CHCHD3: variants seen among roughly 807,000 people sequenced by gnomAD.
The protein encoded by CHCHD3 is coiled-coil-helix-coiled-coil-helix domain containing 3, also known as MICOS complex subunit MIC19.
CHCHD3 carries 20 observed loss-of-function variants against 38.2 expected under a neutral mutation model. The observed-to-expected ratio is 0.52, with a 90% confidence interval of 0.37 to 0.76. The LOEUF is 0.76. Among genes scored for constraint, CHCHD3 ranks in the 30% least tolerant of loss-of-function variants. CHCHD3 has a pLI of 0.00. For missense variants in CHCHD3, 245 were observed against 279.2 expected (o/e 0.88, Z 0.87); for synonymous variants, 82 against 100.0 (o/e 0.82, Z 1.07).
chr7:132,826,156 G>A (rs1807503452), intron 6 of CHCHD3, among the ~76,000 whole-genome samples: 1 of 152,168 alleles, frequency 6.6e-6, no homozygotes. Context: ...CCTCACAAAT[G>A]AATAGGCACT....
chr7:132,984,866 C>G (rs560136521), intron 3 of CHCHD3, among the ~76,000 whole-genome samples: 1,674 of 100,086 alleles, frequency 0.017, 195 homozygotes, highest in African/African-American at 0.058. Context: ...GTCAGCCCCC[C>G]ACCCGGCCAG....
At chr7:133,046,177 A>C (rs189106387) in intron 2 of CHCHD3, among the ~76,000 whole-genome samples, 171 of 152,320 alleles carry the variant, frequency 1.1e-3, no homozygotes, top group African/African-American at 3.9e-3. Context: ...GTTTATAAAC[A>C]TGAGAGACCG....
intron 1 of CHCHD3, among the ~76,000 whole-genome samples, chr7:133,077,422 TA>T (rs1340301557): frequency 2.0e-5 from 3 of 152,234 alleles, no homozygotes; most frequent in African/African-American, 7.2e-5. Flanking sequence ...AAGCATGAGT[TA>T]CGTTCCATAT....
chr7:132,847,203 A>G (rs1164487495), intron 5 of CHCHD3: 2 of 152,188 alleles, frequency 1.3e-5, no homozygotes, highest in Admixed American at 6.5e-5. Context: ...CTACAATTAT[A>G]TCATGCAAAG....
At chr7:133,053,485 C>A (rs1355518186) in intron 2 of CHCHD3, among the ~76,000 whole-genome samples, 1 of 152,204 alleles carries the variant, frequency 6.6e-6, no homozygotes, top group African/African-American at 2.4e-5. Context: ...CTCTGCTAGT[C>A]ACGGGACACG....
At chr7:132,924,602 C>A (rs1810333901) in intron 4 of CHCHD3, among the ~76,000 whole-genome samples, 1 of 152,054 alleles carries the variant, frequency 6.6e-6, no homozygotes, top group Non-Finnish European at 1.5e-5. Flanking sequence ...TAAAGCCTAG[C>A]AACTATAGAA....
intron 3 of CHCHD3, among the ~76,000 whole-genome samples, chr7:133,018,675 A>G (rs1326981631): frequency 6.6e-6 from 1 of 152,200 alleles, no homozygotes; most frequent in Non-Finnish European, 1.5e-5. Context: ...GTCTCTGGTC[A>G]GTAGCCAATT....
At chr7:133,080,992 CA>C (rs2117560675) in intron 1 of CHCHD3, among the ~76,000 whole-genome samples, 1 of 152,172 alleles carries the variant, frequency 6.6e-6, no homozygotes, top group Non-Finnish European at 1.5e-5. Flanking sequence ...TGTGAGGCTC[CA>C]AATTCAGGCG....
intron 4 of CHCHD3, among the ~76,000 whole-genome samples, chr7:132,938,200 C>T (rs1355893867): frequency 6.6e-6 from 1 of 152,184 alleles, no homozygotes; most frequent in African/African-American, 2.4e-5. Flanking sequence ...CTTTCATCTA[C>T]ATTATACCAT....
At chr7:132,883,871 C>A (rs1439854054) in intron 5 of CHCHD3, among the ~76,000 whole-genome samples, 1 of 152,152 alleles carries the variant, frequency 6.6e-6, no homozygotes, top group African/African-American at 2.4e-5. Context: ...TGATTTCCTC[C>A]ACCACCAACA....
intron 4 of CHCHD3, among the ~76,000 whole-genome samples, chr7:132,916,608 C>A (rs571284817): frequency 6.6e-6 from 1 of 152,144 alleles, no homozygotes; most frequent in South Asian, 2.1e-4. Flanking sequence ...AAAGAAAAGG[C>A]CTCACTCTGT....
intron 7 of CHCHD3, among the ~76,000 whole-genome samples, chr7:132,786,226 A>G (rs1806313193): frequency 6.6e-6 from 1 of 152,188 alleles, no homozygotes; most frequent in Non-Finnish European, 1.5e-5. Context: ...TGTTGGGAGC[A>G]TGGCTGATGG....
chr7:132,839,237 C>T (rs1156756946), intron 5 of CHCHD3, among the ~76,000 whole-genome samples: 1 of 151,786 alleles, frequency 6.6e-6, no homozygotes, highest in East Asian at 1.9e-4. Flanking sequence ...GTTGTTCTAT[C>T]ATTTCCACGT....
chr7:132,853,608 C>A (rs755143516), intron 5 of CHCHD3, among the ~76,000 whole-genome samples: 1 of 151,930 alleles, frequency 6.6e-6, no homozygotes, highest in African/African-American at 2.4e-5. Context: ...GGCGACAGAG[C>A]GATATTCTGT....
At chr7:132,796,730 G>A (rs1806627542) in intron 6 of CHCHD3, among the ~76,000 whole-genome samples, 153 bp from the exon 7 acceptor site, 1 of 152,132 alleles carries the variant, frequency 6.6e-6, no homozygotes, top group African/African-American at 2.4e-5. Flanking sequence ...TTCAAAGATA[G>A]CTAAATTTTT....
At chr7:132,838,544 A>G in intron 5 of CHCHD3, 75 bp from the exon 6 acceptor site, 1 of 1,082,402 alleles carries the variant, frequency 9.2e-7, no homozygotes, top group Admixed American at 2.0e-5. Flanking sequence ...CAACTTCAAA[A>G]AACACATAAA....
At chr7:132,948,347 T>G (rs1225014603) in intron 4 of CHCHD3, among the ~76,000 whole-genome samples, 6 of 151,900 alleles carry the variant, frequency 3.9e-5, no homozygotes, top group African/African-American at 1.5e-4. Context: ...ATGCAACTCT[T>G]GATAGACAGA....
chr7:133,075,500 TTGTTG>T (rs1043196091), intron 1 of CHCHD3, among the ~76,000 whole-genome samples: 7 of 152,158 alleles, frequency 4.6e-5, no homozygotes, highest in South Asian at 2.1e-4. Flanking sequence ...GGTAATAGTT[TTGTTG>T]TGTTATCATC....
chr7:132,949,977 G>A (rs7796910), intron 4 of CHCHD3, among the ~76,000 whole-genome samples: 31,106 of 152,016 alleles, frequency 0.2, 3,499 homozygotes, highest in South Asian at 0.26. Context: ...GAGGTTCTCA[G>A]TTGTGTTTAG....
Sources: allele counts gnomAD v4.1 joint callset (sites outside exome capture counted in the v4.1 genomes callset), GRCh38; gene constraint gnomAD v4.1.1; transcripts MANE v1.5; gene names NCBI Gene and HGNC (gene_info 2026-07-23, HGNC 2026-07-21).